Variants in SRD5A2 observed in about 807,000 individuals in gnomAD.
SRD5A2 encodes the protein steroid 5 alpha-reductase 2.
A neutral mutation model predicts 27.4 loss-of-function variants in SRD5A2; 30 were observed. That is an observed-to-expected ratio of 1.10 (90% confidence interval 0.82 to 1.49). The LOEUF (loss-of-function observed/expected upper bound fraction) is 1.49, where lower values mean the gene tolerates loss of function less well. Ranked by LOEUF, SRD5A2 falls within the 40% of genes most tolerant of loss-of-function variation. The pLI is 0.00. For synonymous variants in SRD5A2, 141 were observed against 133.6 expected, an observed-to-expected ratio of 1.06 and a Z score of -0.38; for missense variants, 348 against 323.4, an observed-to-expected ratio of 1.08 and a Z score of -0.58.
upstream of SRD5A2, among the ~76,000 whole-genome samples, chr2:31,581,463 C>G (rs905981342): frequency 6.6e-6 from 1 of 152,184 alleles, no homozygotes; most frequent in South Asian, 2.1e-4. Flanking sequence ...TCTGCCAGCC[C>G]TTCTGCTCTG....
rs944425184 is a variant in SRD5A2 at position 31,578,364 on chromosome 2, T to C, written c.281+2256A>G. On this transcript the variant is annotated intron_variant, in intron 1 of 4. Coordinates refer to ENST00000622030, the MANE Select transcript of SRD5A2 (RefSeq NM_000348.4). ...TACCTGAAGAGCCTGAGATCTGGAG[T>C]CTACTGCCTGGGTTTGAACTCTGAT... Among the ~76,000 whole-genome samples the C allele has an allele frequency of 0.011, 3 of 276 alleles. No homozygotes were observed. In the East Asian group the frequency reaches 0.25, roughly 23 times the overall value. The allele number at this position is 276 out of a possible 152,430, so 0.2% of individuals were successfully genotyped here.
chr2:31,573,184 C>T (rs1666886919), intron 1 of SRD5A2, among the ~76,000 whole-genome samples: 2 of 152,178 alleles, frequency 1.3e-5, no homozygotes, highest in South Asian at 4.1e-4. Context: ...ACTGCAATCA[C>T]TTGTAAAATA....
rs762483550 is a variant in SRD5A2 at position 31,533,665 on chromosome 2, T to C, written c.383A>G (p.Tyr128Cys). Residue 128 changes from tyrosine to cysteine, a missense_variant, in exon 2 of 5, where the codon TAC (tyrosine) becomes TGC (cysteine). Coordinates refer to ENST00000622030, the MANE Select transcript of SRD5A2 (RefSeq NM_000348.4). ...GTATTCAGCACAGTAAATCAGATAGTAGCCTTGAAGGACTCCATTTCCAGT... is the reference window on the plus strand; with the variant it reads ...GTATTCAGCACAGTAAATCAGATAGCAGCCTTGAAGGACTCCATTTCCAGT... ...FCTGNGVLQG[Y>C]YLIYCAEYPD... is the part of the protein sequence containing the mutation. The C allele has an allele frequency of 1.5e-5, 23 of 1,565,286 alleles. No homozygotes were observed. In the South Asian group the frequency reaches 2.5e-4, roughly 17 times the overall value.
chr2:31,531,710 G>C (rs1440771180), intron 2 of SRD5A2, among the ~76,000 whole-genome samples: 1 of 152,232 alleles, frequency 6.6e-6, no homozygotes, highest in Non-Finnish European at 1.5e-5. Flanking sequence ...GATGGAGACA[G>C]ATTAGAAAAG....
At chr2:31,645,014 C>T in the SRD5A2 span, among the ~76,000 whole-genome samples, 1 of 152,252 alleles carries the variant, frequency 6.6e-6, no homozygotes, top group African/African-American at 2.4e-5. Flanking sequence ...TCTGAAGATA[C>T]AAGTGGCATG....
upstream of SRD5A2, among the ~76,000 whole-genome samples, chr2:31,583,652 C>CAAAAAAAAAAAAGAAAAAAAAAAAAAA (rs1352139998): frequency 9.1e-4 from 19 of 20,920 alleles, 2 homozygotes; most frequent in African/African-American, 2.3e-3. Context: ...AAAAAAAAAC[C>CAAAAAAAAAAAAGAAAAAAAAAAAAAA]AAAAAAAAAG....
chr2:31,646,118 A>G, the SRD5A2 span, among the ~76,000 whole-genome samples: 4 of 152,112 alleles, frequency 2.6e-5, no homozygotes, highest in Non-Finnish European at 5.9e-5. Flanking sequence ...ATCATAGTTC[A>G]TCAATTAGCT....
At chr2:31,593,445 G>A in the SRD5A2 span, among the ~76,000 whole-genome samples, 2 of 152,066 alleles carry the variant, frequency 1.3e-5, no homozygotes, top group Non-Finnish European at 2.9e-5. Context: ...GAACTTCAGA[G>A]CTCGAAGACA....
chr2:31,591,106 G>A, the SRD5A2 span, among the ~76,000 whole-genome samples: 6 of 152,224 alleles, frequency 3.9e-5, no homozygotes, highest in Middle Eastern at 3.4e-3. Context: ...TAAACTAAAG[G>A]GCTTCTGCAC....
chr2:31,607,326 G>A, the SRD5A2 span, among the ~76,000 whole-genome samples: 2 of 151,824 alleles, frequency 1.3e-5, no homozygotes, highest in Admixed American at 1.3e-4. Flanking sequence ...AAAACACAAA[G>A]AAGCCCACAC....
At chr2:31,604,818 T>C in the SRD5A2 span, among the ~76,000 whole-genome samples, 10 of 151,830 alleles carry the variant, frequency 6.6e-5, no homozygotes, top group African/African-American at 2.4e-4. Flanking sequence ...AAAGTGTATA[T>C]GGATTCACAG....
At chr2:31,610,331 A>T in the SRD5A2 span, among the ~76,000 whole-genome samples, 2 of 152,208 alleles carry the variant, frequency 1.3e-5, no homozygotes, top group Admixed American at 6.5e-5. Context: ...ATTTACCATT[A>T]TCAAGCATAA....
the SRD5A2 span, among the ~76,000 whole-genome samples, chr2:31,637,969 T>C: frequency 4.1e-3 from 628 of 152,140 alleles, 8 homozygotes; most frequent in African/African-American, 0.014. Context: ...TTCTACTAAT[T>C]TGGGGTTTGG....
At chr2:31,605,485 C>T in the SRD5A2 span, among the ~76,000 whole-genome samples, 1 of 146,332 alleles carries the variant, frequency 6.8e-6, no homozygotes, top group African/African-American at 2.6e-5. Context: ...ATGGGCAAAA[C>T]ATCTGAATAG....
chr2:31,556,410 C>CA (rs933652937), intron 1 of SRD5A2, among the ~76,000 whole-genome samples: 75 of 151,466 alleles, frequency 5.0e-4, no homozygotes, highest in African/African-American at 1.6e-3. Flanking sequence ...CTTATGATAG[C>CA]AAAAAAAAGT....
At chr2:31,617,928 T>C in the SRD5A2 span, among the ~76,000 whole-genome samples, 1 of 152,200 alleles carries the variant, frequency 6.6e-6, no homozygotes, top group African/African-American at 2.4e-5. Flanking sequence ...ACTTCCATAC[T>C]TGTTGAGTAT....
At chr2:31,603,135 G>T in the SRD5A2 span, among the ~76,000 whole-genome samples, 1 of 151,886 alleles carries the variant, frequency 6.6e-6, no homozygotes, top group Admixed American at 6.6e-5. Context: ...AGACAACCTA[G>T]AGAATGGGAG....
chr2:31,569,659 C>T (rs764092994), intron 1 of SRD5A2, among the ~76,000 whole-genome samples: 4 of 136,464 alleles, frequency 2.9e-5, no homozygotes, highest in Non-Finnish European at 6.2e-5. Flanking sequence ...TGACTGTCCA[C>T]ATGCAAAAAA....
At chr2:31,550,643 C>T (rs947924885) in intron 1 of SRD5A2, among the ~76,000 whole-genome samples, 3 of 151,754 alleles carry the variant, frequency 2.0e-5, no homozygotes, top group Non-Finnish European at 4.4e-5. Flanking sequence ...AGAGAAATAA[C>T]CTGATTATAT....
Sources: gnomAD v4.1 joint callset for allele counts (sites outside exome capture counted in the v4.1 genomes callset) on GRCh38, gnomAD v4.1.1 for gene constraint, MANE v1.5 for transcripts, NCBI Gene and HGNC (gene_info 2026-07-23, HGNC 2026-07-21) for gene names.